Variants in TENM3 observed in about 807,000 individuals in gnomAD.
The protein encoded by TENM3 is teneurin transmembrane protein 3, also known as teneurin-3.
TENM3 carries 63 observed loss-of-function variants against 255.1 expected under a neutral mutation model. That is an observed-to-expected ratio of 0.25 (90% CI 0.20 to 0.30). The LOEUF (loss-of-function observed/expected upper bound fraction) is 0.30. Among genes scored for constraint, TENM3 ranks in the 10% least tolerant of loss-of-function variants. The pLI, the probability that TENM3 is intolerant of heterozygous loss-of-function variation, is 1.00. For synonymous variants in TENM3, 1,306 were observed against 1,322.3 expected, an observed-to-expected ratio of 0.99 and a Z score of 0.27; for missense variants, 2,929 against 3,461.1, an observed-to-expected ratio of 0.85 and a Z score of 3.86.
At chr4:182,068,468 C>A in the TENM3 span, among the ~76,000 whole-genome samples, 1 of 149,542 alleles carries the variant, frequency 6.7e-6, no homozygotes, top group African/African-American at 2.5e-5. Context: ...TACTACTAAG[C>A]AATAAACATC....
intron 1 of TENM3, among the ~76,000 whole-genome samples, chr4:182,244,645 C>T (rs1757528208): frequency 6.6e-6 from 1 of 152,160 alleles, no homozygotes; most frequent in African/African-American, 2.4e-5. Flanking sequence ...TCCTCAGTTC[C>T]CAGGCTCTTC....
chr4:182,428,344 A>G (rs1027845444), intron 3 of TENM3, among the ~76,000 whole-genome samples: 8 of 152,176 alleles, frequency 5.3e-5, no homozygotes, highest in Non-Finnish European at 2.9e-5. Context: ...AGGAAGTGAG[A>G]GAGCATAAAG....
At chr4:181,768,947 A>G in the TENM3 span, among the ~76,000 whole-genome samples, 5 of 152,136 alleles carry the variant, frequency 3.3e-5, no homozygotes, top group Non-Finnish European at 1.5e-5. Context: ...ATTTTGTTTC[A>G]TTGTGAACAT....
intron 3 of TENM3, among the ~76,000 whole-genome samples, chr4:182,491,659 T>C (rs77174116): frequency 0.071 from 10,863 of 152,224 alleles, 597 homozygotes; most frequent in African/African-American, 0.15. Flanking sequence ...CTTTTAAAGG[T>C]GAATTATATT....
the TENM3 span, among the ~76,000 whole-genome samples, chr4:181,769,306 C>T: frequency 6.6e-6 from 1 of 152,110 alleles, no homozygotes; most frequent in African/African-American, 2.4e-5. Context: ...CTTCAGCTTC[C>T]GCATGCAAAG....
At chr4:182,780,049 C>T (rs1229513036) in intron 24 of TENM3, among the ~76,000 whole-genome samples, 1 of 151,334 alleles carries the variant, frequency 6.6e-6, no homozygotes, top group Non-Finnish European at 1.5e-5. Context: ...TGCAGAAGCT[C>T]TTTAGTTTAA....
the TENM3 span, among the ~76,000 whole-genome samples, chr4:181,972,251 G>T: frequency 6.6e-6 from 1 of 151,466 alleles, no homozygotes; most frequent in Non-Finnish European, 1.5e-5. Context: ...ATAAAGCCCC[G>T]TCTCTACAAA....
At chr4:181,986,899 A>G in the TENM3 span, among the ~76,000 whole-genome samples, 1 of 152,152 alleles carries the variant, frequency 6.6e-6, no homozygotes, top group African/African-American at 2.4e-5. Context: ...AAAATGCTAT[A>G]AAGAAATTCT....
chr4:182,364,397 GTTGTTTTTTGTTTT>G (rs566800356), intron 3 of TENM3, among the ~76,000 whole-genome samples: 7 of 152,008 alleles, frequency 4.6e-5, no homozygotes, highest in Admixed American at 2.6e-4. Context: ...TGCAACTTCA[GTTGTTTTTTGTTTT>G]TTGTTTTTTG....
chr4:181,620,347 C>T, the TENM3 span, among the ~76,000 whole-genome samples: 7 of 152,124 alleles, frequency 4.6e-5, no homozygotes, highest in African/African-American at 7.2e-5. Flanking sequence ...CCAGGACACC[C>T]GCGTATACCC....
chr4:182,212,769 T>C (rs1217450460), intron 1 of TENM3, among the ~76,000 whole-genome samples: 2 of 152,046 alleles, frequency 1.3e-5, no homozygotes, highest in Non-Finnish European at 2.9e-5. Flanking sequence ...TGGAAGAAAA[T>C]CAATTTTGAC....
intron 3 of TENM3, among the ~76,000 whole-genome samples, chr4:182,358,615 T>G (rs1484275147): frequency 6.6e-6 from 1 of 151,866 alleles, no homozygotes; most frequent in Non-Finnish European, 1.5e-5. Flanking sequence ...AAGGAGATTT[T>G]GGGCTGAGAC....
chr4:182,628,226 A>G (rs946840971), intron 4 of TENM3, among the ~76,000 whole-genome samples: 1 of 152,162 alleles, frequency 6.6e-6, no homozygotes, highest in African/African-American at 2.4e-5. Flanking sequence ...ATATGAGCGC[A>G]TAGTCTCATG....
chr4:181,948,776 C>T, the TENM3 span, among the ~76,000 whole-genome samples: 1 of 152,070 alleles, frequency 6.6e-6, no homozygotes, highest in Non-Finnish European at 1.5e-5. Flanking sequence ...GAAAAGTACC[C>T]CCACCCCCAC....
the TENM3 span, among the ~76,000 whole-genome samples, chr4:181,541,454 G>C: frequency 6.6e-6 from 1 of 152,022 alleles, no homozygotes; most frequent in African/African-American, 2.4e-5. Flanking sequence ...AAACACTCAA[G>C]AAAGTCGTTC....
At chr4:182,775,249 T>C in intron 24 of TENM3, 96 bp downstream of exon 24, 1 of 1,055,806 alleles carries the variant, frequency 9.5e-7, no homozygotes, top group Non-Finnish European at 1.4e-6. Context: ...CCCCCCTATG[T>C]CTACACTGAG....
At chr4:182,422,901 A>G (rs1770940342) in intron 3 of TENM3, among the ~76,000 whole-genome samples, 1 of 152,182 alleles carries the variant, frequency 6.6e-6, no homozygotes, top group South Asian at 2.1e-4. Flanking sequence ...CAACTGAGGC[A>G]TGGAAAGTCT....
the TENM3 span, among the ~76,000 whole-genome samples, chr4:181,954,980 T>C: frequency 6.6e-6 from 1 of 152,238 alleles, no homozygotes; most frequent in Non-Finnish European, 1.5e-5. Context: ...CCTTCTCCCA[T>C]TGAATTACCT....
chr4:182,616,522 TAAAAAA>T (rs542212636), intron 4 of TENM3, among the ~76,000 whole-genome samples: 1 of 94,322 alleles, frequency 1.1e-5, no homozygotes, highest in African/African-American at 4.0e-5. Flanking sequence ...TAAAGTATAA[TAAAAAA>T]AAAAAAAAAA....
Sources: gnomAD v4.1 joint callset for allele counts (sites outside exome capture counted in the v4.1 genomes callset) on GRCh38, gnomAD v4.1.1 for gene constraint, MANE v1.5 for transcripts, NCBI Gene and HGNC (gene_info 2026-07-23, HGNC 2026-07-21) for gene names.